Variants in PCDHGA5 observed in about 807,000 individuals in gnomAD.
The protein encoded by PCDHGA5 is protocadherin gamma-A5.
In PCDHGA5, 36 loss-of-function variants were observed where a neutral mutation model predicts 56.7. The ratio of observed to expected loss-of-function variants is 0.64; its 90% confidence interval spans 0.49 to 0.84. The LOEUF is 0.84. Ranked by LOEUF, PCDHGA5 falls within the 40% of genes least tolerant of loss-of-function variation. PCDHGA5 has a pLI of 0.00. For synonymous variants in PCDHGA5, 563 were observed against 520.2 expected, an observed-to-expected ratio of 1.08 and a Z score of -1.12; for missense variants, 1,305 against 1,201.5, an observed-to-expected ratio of 1.09 and a Z score of -1.27.
At position 141,487,010 on chromosome 5, in the gene PCDHGA5, GC is replaced by G. The variant is rs2099638172; in HGVS notation, c.2422-7793del. ...TTGGGTTTCCTATCAGCTCCTGGAG[GC>G]CCCAGATCCCAGCCTGTTTGCAGTC... is the stretch of plus-strand genomic sequence containing the variant. On this transcript the variant is annotated intron_variant, in intron 1 of 3. Coordinates refer to ENST00000518069, the MANE Select transcript of PCDHGA5 (RefSeq NM_018918.3). This position sits in a 1 kb window ranked among gnomAD's most constrained non-coding sequence, Gnocchi z 5.0. 6.2e-7 allele frequency: 1 copy of G among 1,614,096 alleles called. No individual in the cohort carries two copies. Among genetic ancestry groups the G allele is most frequent in the Non-Finnish European group, 8.5e-7 (1 of 1,180,056 alleles).
intron 1 of PCDHGA5, chr5:141,376,898 A>G (rs1251182955): frequency 5.2e-6 from 1 of 193,904 alleles, no homozygotes; most frequent in East Asian, 1.4e-4. Context: ...CTTGTTAGCC[A>G]GGATGGTCTC....
At chr5:141,450,046 G>A (rs1390669307) in intron 1 of PCDHGA5, among the ~76,000 whole-genome samples, 4 of 121,108 alleles carry the variant, frequency 3.3e-5, no homozygotes, top group Admixed American at 1.1e-4. Context: ...TCACTCTTTC[G>A]CCCAGGCTGG....
chr5:141,376,393 C>T, intron 1 of PCDHGA5: 1 of 1,614,222 alleles, frequency 6.2e-7, no homozygotes, highest in Non-Finnish European at 8.5e-7. Context: ...ATCTGATTTT[C>T]CCCCAGCCCA....
In PCDHGA5 at chr5:141,431,616, A is replaced by G. The variant is rs776151297; in HGVS notation, c.2422-63191A>G. 1 of 1,614,250 alleles carries G rather than the reference A, an allele frequency of 6.2e-7. No individual in the cohort carries two copies. Among genetic ancestry groups the G allele is most frequent in the Non-Finnish European group, 8.5e-7 (1 of 1,180,042 alleles). ...AGGTATTCCTTCCGGTATGTGGACG[A>G]CAAGGCGGCCCAAGTTTTCAAACTA... On this transcript the variant is annotated intron_variant, in intron 1 of 3. Transcript: ENST00000518069. This position sits in a 1 kb window ranked among gnomAD's most constrained non-coding sequence, Gnocchi z 4.8.
At chr5:141,393,632 C>T (rs1477463079) in intron 1 of PCDHGA5, 1 of 1,613,930 alleles carries the variant, frequency 6.2e-7, no homozygotes, top group Non-Finnish European at 8.5e-7. Context: ...ATGAGGGAAT[C>T]AACGGAAAAG....
chr5:141,375,818 C>A, intron 1 of PCDHGA5: 2 of 1,614,200 alleles, frequency 1.2e-6, no homozygotes, highest in Non-Finnish European at 1.7e-6. Flanking sequence ...GGAGCTGGCG[C>A]CCCGCTCCGC....
chr5:141,443,018 A>G (rs2098358800), intron 1 of PCDHGA5, among the ~76,000 whole-genome samples: 1 of 152,208 alleles, frequency 6.6e-6, no homozygotes, highest in Admixed American at 6.5e-5. Flanking sequence ...TGACTAATGG[A>G]AGTTGCCAGA....
chr5:141,403,544 C>A (rs1300060255), intron 1 of PCDHGA5: 2 of 1,613,970 alleles, frequency 1.2e-6, no homozygotes, highest in South Asian at 1.1e-5. Flanking sequence ...GGTGCTGGAG[C>A]GCGCCCTGGA....
At chr5:141,389,117 G>A in intron 1 of PCDHGA5, 1 of 1,614,024 alleles carries the variant, frequency 6.2e-7, no homozygotes, top group Admixed American at 1.7e-5. Flanking sequence ...TAGACCGCGA[G>A]CAGAATCCAG....
chr5:141,466,769 T>C (rs760924688), intron 1 of PCDHGA5, among the ~76,000 whole-genome samples: 1 of 152,198 alleles, frequency 6.6e-6, no homozygotes, highest in African/African-American at 2.4e-5. Flanking sequence ...CAAACTGTTA[T>C]CTTATTCTTC....
At chr5:141,384,000 T>C (rs1160567279) in intron 1 of PCDHGA5, 2 of 1,613,774 alleles carry the variant, frequency 1.2e-6, no homozygotes, top group African/African-American at 1.3e-5. Flanking sequence ...CAGTCATTGC[T>C]CTTTTCTACC....
At position 141,399,354 on chromosome 5, in the gene PCDHGA5, G is replaced by A. The variant is rs559321354; in HGVS notation, c.2421+32603G>A. The A allele has an allele frequency of 3.7e-6, 6 of 1,614,008 alleles. No homozygotes were observed. The Admixed American group carries it at 1.0e-4, about 27-fold the overall frequency. On this transcript the variant is annotated intron_variant, in intron 1 of 3. Coordinates refer to ENST00000518069, the MANE Select transcript of PCDHGA5 (RefSeq NM_018918.3). ...TAACAGATGGAACCCTAGACCGAGA[G>A]CAAACCCCGGAGTACAATGTCACCA...
At chr5:141,495,710 G>C (rs2099763133) in intron 2 of PCDHGA5, among the ~76,000 whole-genome samples, 1 of 152,148 alleles carries the variant, frequency 6.6e-6, no homozygotes, top group Non-Finnish European at 1.5e-5. Flanking sequence ...TGTGGAGTGA[G>C]TAACTACACG....
In PCDHGA5 at chr5:141,432,296, G is replaced by A. The variant is rs895669878; in HGVS notation, c.2422-62511G>A. The A allele has an allele frequency of 2.5e-6, 4 of 1,614,106 alleles. No homozygotes were observed. The highest frequency in any genetic ancestry group is 1.1e-5 in the South Asian group (1 of 91,082). The stretch of plus-strand genomic sequence containing the variant: ...CGTGTCCATCAACTCCGACACTGGG[G>A]TACTGTATGCGCTGAGCTCCTTCGA... On this transcript the variant is annotated intron_variant, in intron 1 of 3. Transcript: ENST00000518069. The surrounding 1 kb of genome is among the most constrained non-coding windows in gnomAD (Gnocchi z 6.0).
At chr5:141,366,854 C>T (rs1018356495) in intron 1 of PCDHGA5, 103 bp downstream of exon 1, 3 of 1,453,352 alleles carry the variant, frequency 2.1e-6, no homozygotes, top group Non-Finnish European at 2.8e-6. Flanking sequence ...AATAGTGGAA[C>T]ATTATTTGCT....
chr5:141,399,720 C>A, intron 1 of PCDHGA5: 1 of 1,613,306 alleles, frequency 6.2e-7, no homozygotes, highest in Non-Finnish European at 8.5e-7. Context: ...TACAGGCCCG[C>A]GACCAGGGCT....
chr5:141,384,817 CA>C (rs1780547722), intron 1 of PCDHGA5: 1 of 1,613,416 alleles, frequency 6.2e-7, no homozygotes, highest in Non-Finnish European at 8.5e-7. Flanking sequence ...TGCCCTCAAG[CA>C]GAGCCTCGTG....
rs769641310 is a variant in PCDHGA5, at chr5:141,477,421, T to G, written c.2422-17386T>G. 1.7e-5 allele frequency: 28 copies of G among 1,614,172 alleles called. No individual in the cohort carries two copies. Among genetic ancestry groups the G allele is most frequent in the Non-Finnish European group, 2.3e-5 (27 of 1,180,028 alleles). On this transcript the variant is annotated intron_variant, in intron 1 of 3. Coordinates refer to ENST00000518069, the MANE Select transcript of PCDHGA5 (RefSeq NM_018918.3). The surrounding 1 kb of genome is among the most constrained non-coding windows in gnomAD (Gnocchi z 4.9). ...TCACCGCCCGAGACGCCGGAACCCC[T>G]TCCCTCTCAGCCCTTACAATAGTGC...
At chr5:141,495,089 C>G (rs1440289878) in intron 2 of PCDHGA5, among the ~76,000 whole-genome samples, 2 of 152,284 alleles carry the variant, frequency 1.3e-5, no homozygotes, top group East Asian at 3.9e-4. Flanking sequence ...TGCCCCTTCC[C>G]TCCTCGCCAC....
Sources: allele counts gnomAD v4.1 joint callset (sites outside exome capture counted in the v4.1 genomes callset), GRCh38; gene constraint gnomAD v4.1.1; non-coding constraint Gnocchi (gnomAD v3.1); transcripts MANE v1.5; gene names NCBI Gene and HGNC (gene_info 2026-07-23, HGNC 2026-07-21).